CRB1: variants seen among roughly 807,000 people sequenced by gnomAD.
The protein encoded by CRB1 is protein crumbs homolog 1.
CRB1 carries 83 observed loss-of-function variants against 120.0 expected under a neutral mutation model. The observed-to-expected ratio is 0.69, with a 90% CI of 0.58 to 0.83. The LOEUF (loss-of-function observed/expected upper bound fraction) is 0.83, where lower values mean the gene tolerates loss of function less well. Among genes scored for constraint, CRB1 ranks in the 40% least tolerant of loss-of-function variants. CRB1 has a pLI of 0.00. For missense variants in CRB1, 1,699 were observed against 1,687.6 expected, an observed-to-expected ratio of 1.01 and a Z score of -0.12; for synonymous variants, 625 against 612.5, an observed-to-expected ratio of 1.02 and a Z score of -0.30.
the CRB1 span, among the ~76,000 whole-genome samples, chr1:197,232,169 A>G: frequency 6.6e-6 from 1 of 152,178 alleles, no homozygotes; most frequent in African/African-American, 2.4e-5. Flanking sequence ...AAGTAAATGG[A>G]TTATTCTCTA....
chr1:197,318,872 A>C (rs994993549), intron 1 of CRB1, among the ~76,000 whole-genome samples: 8 of 152,120 alleles, frequency 5.3e-5, no homozygotes, highest in East Asian at 1.9e-4. Context: ...AGATTGGCCA[A>C]TGGGTGCAAA....
At chr1:197,229,022 A>G in the CRB1 span, among the ~76,000 whole-genome samples, 1 of 152,164 alleles carries the variant, frequency 6.6e-6, no homozygotes, top group African/African-American at 2.4e-5. Context: ...TGTTCCTCCC[A>G]TAGAATGTGG....
intron 6 of CRB1, among the ~76,000 whole-genome samples, chr1:197,425,749 T>C (rs937739012): frequency 5.9e-5 from 9 of 152,130 alleles, no homozygotes; most frequent in African/African-American, 2.2e-4. Flanking sequence ...TACTCTTGCA[T>C]CATTTCCTTT....
At chr1:197,379,793 C>T (rs1289279414) in intron 5 of CRB1, among the ~76,000 whole-genome samples, 1 of 152,092 alleles carries the variant, frequency 6.6e-6, no homozygotes, top group Admixed American at 6.5e-5. Context: ...AAGCTTGTTC[C>T]TTGCACTGGG....
At position 197,421,085 on chromosome 1, in the gene CRB1, T is replaced by C. The variant is rs1042265547; in HGVS notation, c.1257T>C (p.Tyr419=). 1.2e-6 allele frequency: 2 copies of C among 1,614,256 alleles called. No individual in the cohort carries two copies. The highest frequency in any genetic ancestry group is 1.3e-5 in the African/African-American group (1 of 75,074). The stretch of plus-strand genomic sequence containing the variant: ...CTTGTGAGAACTTGCCTGGGAATTA[T>C]ACTTGCCATTGCCCATTTGATAACC... ...GGTCENLPGN[Y]TCHCPFDNLS... Residue 419 remains tyrosine, a synonymous_variant, in exon 6 of 12, where the codon TAT becomes TAC. Coordinates refer to ENST00000367400, the MANE Select transcript of CRB1 (RefSeq NM_201253.3).
At chr1:197,209,742 G>A in the CRB1 span, among the ~76,000 whole-genome samples, 279 of 152,234 alleles carry the variant, frequency 1.8e-3, 1 homozygote, top group Admixed American at 7.0e-3. Context: ...CCAAGAATGC[G>A]CATAGGGCTC....
chr1:197,336,496 G>A (rs1406708536), intron 2 of CRB1, among the ~76,000 whole-genome samples: 2 of 152,092 alleles, frequency 1.3e-5, no homozygotes, highest in Non-Finnish European at 1.5e-5. Context: ...TTATGAAATT[G>A]ATAATGTTTT....
At chr1:197,308,536 T>G (rs1055440510) in intron 1 of CRB1, among the ~76,000 whole-genome samples, 1 of 152,212 alleles carries the variant, frequency 6.6e-6, no homozygotes, top group Non-Finnish European at 1.5e-5. Flanking sequence ...TATATAAAAA[T>G]TTTTAAAAAG....
intron 6 of CRB1, 56 bp from the exon 7 acceptor site, chr1:197,427,398 T>C: frequency 6.5e-7 from 1 of 1,540,518 alleles, no homozygotes; most frequent in Non-Finnish European, 9.0e-7. Context: ...CTTCTGTCTT[T>C]TGAGCCTTAA....
At chr1:197,250,783 C>T in the CRB1 span, among the ~76,000 whole-genome samples, 1 of 151,998 alleles carries the variant, frequency 6.6e-6, no homozygotes, top group Non-Finnish European at 1.5e-5. Context: ...CAGTAGCTTA[C>T]TGCCTCAGGG....
intron 4 of CRB1, among the ~76,000 whole-genome samples, chr1:197,351,378 A>G (rs551408759): frequency 4.0e-5 from 6 of 151,078 alleles, no homozygotes; most frequent in Admixed American, 2.6e-4. Context: ...AAAAAAAAAA[A>G]AAAAAAAAGG....
the CRB1 span, among the ~76,000 whole-genome samples, chr1:197,206,607 G>C: frequency 6.6e-6 from 1 of 152,064 alleles, no homozygotes; most frequent in Non-Finnish European, 1.5e-5. Context: ...ATCTGAAAGA[G>C]TACTTTTATA....
intron 1 of CRB1, among the ~76,000 whole-genome samples, chr1:197,288,847 G>C (rs141469858): frequency 3.3e-5 from 5 of 151,664 alleles, no homozygotes; most frequent in African/African-American, 1.2e-4. Context: ...ACAAAACTGT[G>C]ACAACTTTAC....
intron 4 of CRB1, 93 bp from the exon 5 acceptor site, chr1:197,356,738 C>G: frequency 7.9e-7 from 1 of 1,272,968 alleles, no homozygotes. Flanking sequence ...CTTGCTAAAT[C>G]AATGCCAGTA....
At chr1:197,252,500 A>G in the CRB1 span, among the ~76,000 whole-genome samples, 77 of 130,302 alleles carry the variant, frequency 5.9e-4, 1 homozygote, top group Non-Finnish European at 9.9e-4. Context: ...TATCATTCCT[A>G]TATCAGTCAG....
intron 7 of CRB1, chr1:197,429,219 C>A: frequency 1.4e-6 from 2 of 1,473,270 alleles, no homozygotes; most frequent in South Asian, 2.7e-5. Context: ...TGCTATGGAT[C>A]AATTTTATAT....
chr1:197,425,289 T>G (rs1208583046), intron 6 of CRB1, among the ~76,000 whole-genome samples: 5 of 152,214 alleles, frequency 3.3e-5, no homozygotes, highest in Admixed American at 3.3e-4. Context: ...CTGGAGCAGG[T>G]GGTCTCCAAA....
At chr1:197,226,776 A>G in the CRB1 span, among the ~76,000 whole-genome samples, 1,104 of 152,270 alleles carry the variant, frequency 7.3e-3, 17 homozygotes, top group African/African-American at 0.023. Context: ...AAGAAAAAGA[A>G]GTTTAATTGG....
chr1:197,425,465 A>G (rs952510974), intron 6 of CRB1, among the ~76,000 whole-genome samples: 1 of 152,208 alleles, frequency 6.6e-6, no homozygotes, highest in African/African-American at 2.4e-5. Context: ...CAGCTGGGCC[A>G]TATGATGACA....
Sources: allele counts gnomAD v4.1 joint callset (sites outside exome capture counted in the v4.1 genomes callset), GRCh38; gene constraint gnomAD v4.1.1; transcripts MANE v1.5; gene names NCBI Gene and HGNC (gene_info 2026-07-23, HGNC 2026-07-21).